MARF1: variants seen among roughly 807,000 people sequenced by gnomAD.
MARF1 encodes the protein meiosis regulator and mRNA stability factor 1, also known as limkain-b1.
In MARF1, 24 loss-of-function variants were observed where a neutral mutation model predicts 168.2. That is an observed-to-expected ratio of 0.14 (90% CI 0.10 to 0.20). The LOEUF (loss-of-function observed/expected upper bound fraction) is 0.20, where lower values mean the gene tolerates loss of function less well. Among genes scored for constraint, MARF1 ranks in the 10% least tolerant of loss-of-function variants. The probability of loss-of-function intolerance (pLI) is 1.00; values close to 1 mark genes in which losing one functional copy is unlikely to be tolerated. For missense variants in MARF1, 1,744 were observed against 2,143.6 expected (o/e 0.81, Z 3.68); for synonymous variants, 868 against 822.4 (o/e 1.06, Z -0.95).
chr16:15,599,569 T>C (rs563711645), intron 25 of MARF1, among the ~76,000 whole-genome samples: 2 of 152,196 alleles, frequency 1.3e-5, no homozygotes, highest in South Asian at 2.1e-4. Flanking sequence ...AACTCAGTTA[T>C]CCTAAGGGCA....
intron 16 of MARF1, among the ~76,000 whole-genome samples, chr16:15,613,661 C>CAATA (rs59529278): frequency 0.011 from 1,382 of 126,640 alleles, 30 homozygotes; most frequent in African/African-American, 0.036. Context: ...GATTCCGTCT[C>CAATA]AATAAATAAA....
chr16:15,634,204 T>C (rs1447589642), intron 4 of MARF1, among the ~76,000 whole-genome samples: 1 of 152,216 alleles, frequency 6.6e-6, no homozygotes, highest in East Asian at 1.9e-4. Context: ...CTTTCAAGCT[T>C]AGCCCACACT....
In MARF1 at chr16:15,609,345, A is replaced by G. The variant is rs552709018; in HGVS notation, c.3954+178T>C. On this transcript the variant is annotated intron_variant, in intron 20 of 26. Transcript: ENST00000396368. ...TAATCCTTTATTGAAGGAAAAAGCCATATTTATCTAAAAATACTAATGAGT... is the reference window on the plus strand; with the variant it reads ...TAATCCTTTATTGAAGGAAAAAGCCGTATTTATCTAAAAATACTAATGAGT... Among the ~76,000 whole-genome samples, 7 of 152,336 alleles carry G rather than the reference A, an allele frequency of 4.6e-5. 1 individual carries two copies. The South Asian group carries it at 6.2e-4, about 14-fold the overall frequency.
chr16:15,600,339 C>G, intron 25 of MARF1, 89 bp downstream of exon 25: 1 of 1,545,346 alleles, frequency 6.5e-7, no homozygotes. Flanking sequence ...GGATGACTTG[C>G]TGGAGTCCTT....
chr16:15,630,897 G>A (rs1476499833), intron 6 of MARF1, among the ~76,000 whole-genome samples: 3 of 151,766 alleles, frequency 2.0e-5, no homozygotes, highest in African/African-American at 7.3e-5. Context: ...TTGGGAGGCC[G>A]AGGAGGGTGG....
chr16:15,619,777 T>A (rs915092703), intron 13 of MARF1, among the ~76,000 whole-genome samples: 37 of 152,276 alleles, frequency 2.4e-4, no homozygotes, highest in African/African-American at 7.7e-4. Context: ...GCATCTACTA[T>A]GGGCTGGGTG....
At chr16:15,620,421 CTG>C (rs1205806908) in intron 13 of MARF1, 28 bp downstream of exon 13, 1 of 1,427,526 alleles carries the variant, frequency 7.0e-7, no homozygotes, top group East Asian at 2.3e-5. Context: ...TCAGTACTGA[CTG>C]GATAAAGAAA....
Position 15,635,769 on chromosome 16 carries a change from G to T in MARF1, c.718C>A (p.His240Asn). ...GGCGTTAGCTCCGACTGTGAAATGT[G>T]CTCTTCCAAATGCCCTGGAGCCCCG... ...TSGAPGHLEE[H>N]ISQSELTPHL... Residue 240 changes from histidine to asparagine, a missense_variant, in exon 3 of 27, where the codon CAC (histidine) becomes AAC (asparagine). Around this residue, in one of 7 missense-constraint regions of MARF1, gnomAD observed 318 missense variants for 336.6 expected, o/e 0.94. Coordinates refer to ENST00000396368, the MANE Select transcript of MARF1 (RefSeq NM_014647.4). 6.2e-7 allele frequency: 1 copy of T among 1,614,218 alleles called. No homozygotes were observed. Among genetic ancestry groups the T allele is most frequent in the South Asian group, 1.1e-5 (1 of 91,084 alleles).
At position 15,635,987 on chromosome 16, in the gene MARF1, T is replaced by C. The variant is rs751274790; in HGVS notation, c.500A>G (p.Asn167Ser). 1 of 1,614,180 alleles carries C rather than the reference T, an allele frequency of 6.2e-7. No individual in the cohort carries two copies. Among genetic ancestry groups the C allele is most frequent in the East Asian group, 2.2e-5 (1 of 44,884 alleles). ...ASSLQNASAR[N>S]NLAGIASDFP... ...GTCACTTGCAATGCCTGCCAAATTGTTCCTAGCTGAGGCATTCTGGAGTGA... is the reference window on the plus strand; with the variant it reads ...GTCACTTGCAATGCCTGCCAAATTGCTCCTAGCTGAGGCATTCTGGAGTGA... The change falls in exon 3 of 27, where the codon AAC becomes AGC. Residue 167 changes from asparagine to serine, a missense_variant. Physicochemically the swap from Asn to Ser is conservative, Grantham distance 46. Coordinates refer to ENST00000396368, the MANE Select transcript of MARF1 (RefSeq NM_014647.4).
intron 17 of MARF1, among the ~76,000 whole-genome samples, chr16:15,612,104 C>T (rs1200340167): frequency 6.6e-6 from 1 of 152,184 alleles, no homozygotes; most frequent in Non-Finnish European, 1.5e-5. Context: ...GCTGTTATAA[C>T]ACTGTGAGTT....
At chr16:15,602,682 A>G (rs1424481850) in intron 22 of MARF1, 5 of 444,476 alleles carry the variant, frequency 1.1e-5, no homozygotes, top group South Asian at 7.8e-5. Flanking sequence ...ATTTCCTCCA[A>G]GAGAAGGCTA....
At chr16:15,634,217 T>C (rs896009996) in intron 4 of MARF1, among the ~76,000 whole-genome samples, 9 of 152,194 alleles carry the variant, frequency 5.9e-5, no homozygotes, top group Non-Finnish European at 8.8e-5. Flanking sequence ...CCCACACTTA[T>C]CTACCTACTT....
intron 26 of MARF1, among the ~76,000 whole-genome samples, chr16:15,597,870 G>C (rs967374340): frequency 3.3e-5 from 5 of 152,236 alleles, no homozygotes; most frequent in Non-Finnish European, 5.9e-5. Flanking sequence ...CATGGTCTAG[G>C]TCTGACTGCA....
rs2031546097 is a variant in MARF1 at position 15,595,026 on chromosome 16, T to A, written c.*1667A>T. On this transcript the variant is annotated 3_prime_UTR_variant, in exon 27 of 27. Coordinates refer to ENST00000396368, the MANE Select transcript of MARF1 (RefSeq NM_014647.4). ...TTATGAAATCTTAGAATAAGGCAAC[T>A]GATGTTCTCAACACCAATTATTATT... 1 of 152,656 alleles carries A rather than the reference T, an allele frequency of 6.6e-6. No individual in the cohort carries two copies. The highest frequency in any genetic ancestry group is 6.5e-5 in the Admixed American group (1 of 15,278). 9.5% of individuals were successfully genotyped at this position (152,656 alleles called of 1,614,324 possible). A position where few individuals can be genotyped will look rare whatever the true frequency, so the allele number is the denominator to read the frequency against.
In MARF1 at chr16:15,635,789, G is replaced by A; in HGVS notation, c.698C>T (p.Ala233Val). The change falls in exon 3 of 27, where the codon GCT becomes GTT. Residue 233 changes from alanine to valine, a missense_variant. Transcript: ENST00000396368. ...AATGTGCTCTTCCAAATGCCCTGGA[G>A]CCCCGCTTGTGAAATCAGAACAGGG... ...YFPCSDFTSG[A>V]PGHLEEHISQ... The A allele has an allele frequency of 6.2e-7, 1 of 1,614,224 alleles. No homozygotes were observed. The highest frequency in any genetic ancestry group is 8.5e-7 in the Non-Finnish European group (1 of 1,180,040).
Position 15,635,576 on chromosome 16 carries a change from A to G in MARF1, c.831+80T>C, listed in dbSNP as rs767862376. On this transcript the variant is annotated intron_variant, in intron 3 of 26. Transcript: ENST00000396368. Reference sequence around the variant, plus strand: ...GAGAATCTTCAACCCCATGTATAATACTTTTCAAGATAAATCCACTTCAAA... The same window carrying G: ...GAGAATCTTCAACCCCATGTATAATGCTTTTCAAGATAAATCCACTTCAAA... 6.3e-6 allele frequency: 8 copies of G among 1,272,900 alleles called. No individual in the cohort carries two copies. In the African/African-American group the frequency reaches 1.2e-4, roughly 20 times the overall value. The allele number at this position is 1,272,900 out of a possible 1,614,324, so 78.9% of individuals were successfully genotyped here.
At chr16:15,601,876 C>A in intron 23 of MARF1, 115 bp downstream of exon 23, 1 of 829,428 alleles carries the variant, frequency 1.2e-6, no homozygotes, top group South Asian at 1.5e-5. Flanking sequence ...TTGAAAGGAT[C>A]AATTCAAAAT....
chr16:15,603,436 G>A (rs2032705529), intron 22 of MARF1, among the ~76,000 whole-genome samples: 1 of 152,052 alleles, frequency 6.6e-6, no homozygotes, highest in African/African-American at 2.4e-5. Flanking sequence ...AGCCTTCTTA[G>A]TAGCTGGGAT....
chr16:15,619,967 C>G (rs571054686), intron 13 of MARF1, among the ~76,000 whole-genome samples: 2 of 152,256 alleles, frequency 1.3e-5, no homozygotes, highest in Admixed American at 6.5e-5. Flanking sequence ...AGTTTAAGAC[C>G]AGCCTGGCTA....
Sources: allele counts gnomAD v4.1 joint callset (sites outside exome capture counted in the v4.1 genomes callset), GRCh38; gene constraint gnomAD v4.1.1; regional missense constraint gnomAD v4.1.1; transcripts MANE v1.5; gene names NCBI Gene and HGNC (gene_info 2026-07-23, HGNC 2026-07-21).